MACROD2: variants seen among roughly 807,000 people sequenced by gnomAD.
MACROD2 encodes the protein ADP-ribose glycohydrolase MACROD2.
MACROD2 carries 36 observed loss-of-function variants against 70.4 expected under a neutral mutation model. That is an observed-to-expected ratio of 0.51 (90% CI 0.39 to 0.68). The LOEUF is 0.68. Among genes scored for constraint, MACROD2 ranks in the 30% least tolerant of loss-of-function variants. The probability of loss-of-function intolerance (pLI) is 0.00; values close to 1 mark genes in which losing one functional copy is unlikely to be tolerated. For missense variants in MACROD2, 496 were observed against 538.4 expected, an observed-to-expected ratio of 0.92 and a Z score of 0.78; for synonymous variants, 172 against 178.8, an observed-to-expected ratio of 0.96 and a Z score of 0.30.
intron 8 of MACROD2, among the ~76,000 whole-genome samples, chr20:15,709,198 G>A (rs1686635348): frequency 6.6e-6 from 1 of 152,176 alleles, no homozygotes; most frequent in African/African-American, 2.4e-5. Flanking sequence ...CCAGGGGGCG[G>A]TGCACCGCAA....
At chr20:15,707,688 CAGG>C (rs1168495586) in intron 8 of MACROD2, among the ~76,000 whole-genome samples, 1 of 151,966 alleles carries the variant, frequency 6.6e-6, no homozygotes, top group Non-Finnish European at 1.5e-5. Context: ...GAGGCTGAGG[CAGG>C]AGAATCACTT....
At chr20:15,919,636 G>A (rs1398187429) in intron 10 of MACROD2, among the ~76,000 whole-genome samples, 1 of 152,144 alleles carries the variant, frequency 6.6e-6, no homozygotes, top group African/African-American at 2.4e-5. Context: ...TCGGGAGGCC[G>A]AGGCAGGAGA....
At chr20:14,825,936 G>T (rs1233392945) in intron 5 of MACROD2, among the ~76,000 whole-genome samples, 1 of 152,106 alleles carries the variant, frequency 6.6e-6, no homozygotes, top group Non-Finnish European at 1.5e-5. Flanking sequence ...CCTTCACCTT[G>T]TTTTTACAAG....
intron 8 of MACROD2, among the ~76,000 whole-genome samples, chr20:15,730,138 G>A (rs1344530578): frequency 5.3e-5 from 8 of 152,122 alleles, no homozygotes; most frequent in Admixed American, 5.2e-4. Flanking sequence ...ACTGGGTCAT[G>A]TTTCTTTATT....
At position 14,278,296 on chromosome 20, in the gene MACROD2, C is replaced by T. The variant is rs771324433; in HGVS notation, c.271+192568C>T. 5.3e-5 allele frequency among the ~76,000 whole-genome samples: 8 copies of T among 152,272 alleles called. No homozygotes were observed. In the Middle Eastern group the frequency reaches 0.014, roughly 259 times the overall value. On this transcript the variant is annotated intron_variant, in intron 3 of 17. Transcript: ENST00000684519. ...ATACATACATGGGCATAGTCATGCACGCACACACTGACAACACAGTCTTTG... is the reference window on the plus strand; with the variant it reads ...ATACATACATGGGCATAGTCATGCATGCACACACTGACAACACAGTCTTTG...
intron 3 of MACROD2, among the ~76,000 whole-genome samples, chr20:14,243,480 C>CAT: frequency 6.6e-6 from 1 of 152,076 alleles, no homozygotes; most frequent in East Asian, 1.9e-4. Flanking sequence ...GCCATTATTC[C>CAT]ATATATATAA....
At chr20:15,254,253 A>C (rs2077179640) in intron 6 of MACROD2, among the ~76,000 whole-genome samples, 1 of 149,172 alleles carries the variant, frequency 6.7e-6, no homozygotes, top group Non-Finnish European at 1.5e-5. Flanking sequence ...CAGTTCAAAA[A>C]AAGTGTAAAC....
At chr20:15,204,194 C>T (rs2076681580) in intron 5 of MACROD2, among the ~76,000 whole-genome samples, 1 of 152,114 alleles carries the variant, frequency 6.6e-6, no homozygotes, top group African/African-American at 2.4e-5. Context: ...AACTTCTCAA[C>T]TAGTTTTCAC....
At chr20:14,533,676 T>C (rs2085331903) in intron 4 of MACROD2, among the ~76,000 whole-genome samples, 1 of 152,242 alleles carries the variant, frequency 6.6e-6, no homozygotes, top group Non-Finnish European at 1.5e-5. Context: ...TTTTTAACTT[T>C]TAATCCTAAA....
At chr20:15,137,201 A>G (rs1013826990) in intron 5 of MACROD2, among the ~76,000 whole-genome samples, 6 of 150,592 alleles carry the variant, frequency 4.0e-5, no homozygotes, top group South Asian at 2.1e-4. Flanking sequence ...CAGCCATCCC[A>G]TTACTGGGTA....
At chr20:15,347,419 G>C (rs1411623270) in intron 6 of MACROD2, among the ~76,000 whole-genome samples, 1 of 152,122 alleles carries the variant, frequency 6.6e-6, no homozygotes, top group African/African-American at 2.4e-5. Flanking sequence ...GCAGGTGTGA[G>C]GGTGAGTGTC....
intron 6 of MACROD2, among the ~76,000 whole-genome samples, chr20:15,234,792 G>T (rs1340713691): frequency 6.6e-6 from 1 of 152,134 alleles, no homozygotes; most frequent in Non-Finnish European, 1.5e-5. Context: ...AATTTCTATT[G>T]AGCCAGGGCT....
chr20:15,434,360 A>G (rs1000633736), intron 7 of MACROD2, among the ~76,000 whole-genome samples: 7 of 151,966 alleles, frequency 4.6e-5, no homozygotes, highest in South Asian at 4.1e-4. Flanking sequence ...AAAATGGGCA[A>G]AGGACATAGA....
rs2146132947 is a variant in MACROD2 at position 15,304,116 on chromosome 20, A to G, written c.540+74055A>G. 1.3e-5 allele frequency among the ~76,000 whole-genome samples: 2 copies of G among 151,970 alleles called. 1 individual carries two copies. Among genetic ancestry groups the G allele is most frequent in the South Asian group, 4.2e-4 (2 of 4,804 alleles). On this transcript the variant is annotated intron_variant, in intron 6 of 17. Coordinates refer to ENST00000684519, the MANE Select transcript of MACROD2 (RefSeq NM_001351661.2). ...ATTTTCTTTCTTTTCTGTGTTTCCC[A>G]ATCTATTTCTTATCTAGTAACTTTT...
chr20:14,679,136 C>T (rs1461399159), intron 4 of MACROD2, among the ~76,000 whole-genome samples: 1 of 152,146 alleles, frequency 6.6e-6, no homozygotes, highest in African/African-American at 2.4e-5. Context: ...AAGCATTCTG[C>T]TGTGTTTATG....
chr20:15,853,012 A>G (rs986987547), intron 8 of MACROD2, among the ~76,000 whole-genome samples: 2 of 152,124 alleles, frequency 1.3e-5, no homozygotes, highest in African/African-American at 4.8e-5. Flanking sequence ...TTCTATCTCT[A>G]AAATAATAAT....
chr20:14,238,772 T>A (rs898496783), intron 3 of MACROD2, among the ~76,000 whole-genome samples: 1 of 152,028 alleles, frequency 6.6e-6, no homozygotes, highest in Non-Finnish European at 1.5e-5. Flanking sequence ...CTCATGCCTG[T>A]AATCCCAGCA....
At chr20:15,162,975 A>T (rs1239174149) in intron 5 of MACROD2, among the ~76,000 whole-genome samples, 1 of 152,126 alleles carries the variant, frequency 6.6e-6, no homozygotes, top group East Asian at 1.9e-4. Flanking sequence ...ATTAGATACA[A>T]CAAATAAACA....
At chr20:15,794,938 A>G (rs1213164199) in intron 8 of MACROD2, among the ~76,000 whole-genome samples, 1 of 152,154 alleles carries the variant, frequency 6.6e-6, no homozygotes, top group African/African-American at 2.4e-5. Flanking sequence ...ATGAATGTTG[A>G]ATAAGTAATT....
Sources: allele counts gnomAD v4.1 joint callset (sites outside exome capture counted in the v4.1 genomes callset), GRCh38; gene constraint gnomAD v4.1.1; transcripts MANE v1.5; gene names NCBI Gene and HGNC (gene_info 2026-07-23, HGNC 2026-07-21).